CDK19: variants seen among roughly 807,000 people sequenced by gnomAD.
CDK19 encodes cyclin dependent kinase 19.
Under a neutral mutation model 68.3 loss-of-function variants are expected in CDK19, and 20 were observed. That is an observed-to-expected ratio of 0.29 (90% CI 0.21 to 0.43). The LOEUF (loss-of-function observed/expected upper bound fraction) is 0.43, where lower values mean the gene tolerates loss of function less well. Ranked by LOEUF, CDK19 falls within the 20% of genes least tolerant of loss-of-function variation. The pLI is 1.00. For missense variants in CDK19, 339 were observed against 623.5 expected (o/e 0.54, Z 4.86); for synonymous variants, 221 against 222.8 (o/e 0.99, Z 0.07).
chr6:110,693,968 A>G (rs565515551), intron 2 of CDK19, among the ~76,000 whole-genome samples: 1 of 152,284 alleles, frequency 6.6e-6, no homozygotes, highest in African/African-American at 2.4e-5. Context: ...CACTACAATA[A>G]ATGCTAATAG....
intron 1 of CDK19, among the ~76,000 whole-genome samples, chr6:110,763,938 ATTGTT>A (rs1362346040): frequency 2.0e-5 from 3 of 152,210 alleles, no homozygotes; most frequent in Non-Finnish European, 4.4e-5. Flanking sequence ...TAAAAAGTCA[ATTGTT>A]TTATTATATA....
At chr6:110,761,118 G>A (rs377114406) in intron 1 of CDK19, among the ~76,000 whole-genome samples, 3 of 152,184 alleles carry the variant, frequency 2.0e-5, no homozygotes, top group African/African-American at 4.8e-5. Flanking sequence ...TGGTGTTTTC[G>A]TTTGTTTTTT....
chr6:110,734,708 A>C (rs558374262), intron 2 of CDK19, among the ~76,000 whole-genome samples: 1 of 152,158 alleles, frequency 6.6e-6, no homozygotes, highest in African/African-American at 2.4e-5. Context: ...TATGAGCTGG[A>C]TGCTTCTCCA....
At chr6:110,794,157 T>C (rs1330751766) in intron 1 of CDK19, among the ~76,000 whole-genome samples, 1 of 151,950 alleles carries the variant, frequency 6.6e-6, no homozygotes, top group African/African-American at 2.4e-5. Context: ...GCAATTCTCC[T>C]GTCTCAGCCT....
rs575195963 is a variant in CDK19 at position 110,793,463 on chromosome 6, A to G, written c.128+21546T>C. Among the ~76,000 whole-genome samples, 49 of 152,358 alleles carry G rather than the reference A, an allele frequency of 3.2e-4. No individual in the cohort carries two copies. The Middle Eastern group carries it at 0.01, about 32-fold the overall frequency. Reference sequence around the variant, plus strand: ...AAGTCTTTATACTTACATGGACATGAAAGTCAACAAAATGTGTTTTGGTTG... The same window carrying G: ...AAGTCTTTATACTTACATGGACATGGAAGTCAACAAAATGTGTTTTGGTTG... On this transcript the variant is annotated intron_variant, in intron 1 of 12. Coordinates refer to ENST00000368911, the MANE Select transcript of CDK19 (RefSeq NM_015076.5).
At chr6:110,791,664 CTTT>C (rs1359279858) in intron 1 of CDK19, among the ~76,000 whole-genome samples, 1 of 151,790 alleles carries the variant, frequency 6.6e-6, no homozygotes, top group African/African-American at 2.4e-5. Flanking sequence ...CCTAATTTTT[CTTT>C]TTTTTATAGA....
intron 1 of CDK19, among the ~76,000 whole-genome samples, chr6:110,751,860 TAAA>T (rs79254464): frequency 7.8e-5 from 11 of 140,188 alleles, no homozygotes; most frequent in South Asian, 2.2e-4. Context: ...TTGGTCAGAT[TAAA>T]AAAAAAAAAA....
At chr6:110,716,915 C>T (rs932096421) in intron 2 of CDK19, among the ~76,000 whole-genome samples, 17 of 152,150 alleles carry the variant, frequency 1.1e-4, no homozygotes, top group African/African-American at 3.6e-4. Context: ...GGACGGATCA[C>T]GAGGTCAGGA....
chr6:110,791,123 A>G (rs546801524), intron 1 of CDK19, among the ~76,000 whole-genome samples: 2 of 152,110 alleles, frequency 1.3e-5, no homozygotes, highest in African/African-American at 4.8e-5. Flanking sequence ...GTGAGCCAAG[A>G]TCGCACCACT....
At chr6:110,735,341 C>T (rs1046209924) in intron 2 of CDK19, among the ~76,000 whole-genome samples, 1 of 151,982 alleles carries the variant, frequency 6.6e-6, no homozygotes, top group African/African-American at 2.4e-5. Flanking sequence ...AAACAAATAC[C>T]ACTCCCTTAT....
intron 2 of CDK19, among the ~76,000 whole-genome samples, chr6:110,736,318 G>T (rs1314863704): frequency 6.6e-6 from 1 of 152,110 alleles, no homozygotes; most frequent in African/African-American, 2.4e-5. Flanking sequence ...TCCAGCCTGG[G>T]CAACAAGAGC....
chr6:110,693,435 G>A (rs1003041478), intron 2 of CDK19, among the ~76,000 whole-genome samples: 2 of 152,212 alleles, frequency 1.3e-5, no homozygotes, highest in Non-Finnish European at 2.9e-5. Context: ...AGGCACTCCC[G>A]GTCTCCGGCA....
intron 1 of CDK19, among the ~76,000 whole-genome samples, chr6:110,758,584 T>C (rs903652314): frequency 6.6e-6 from 1 of 152,206 alleles, no homozygotes; most frequent in African/African-American, 2.4e-5. Flanking sequence ...AACTTGTTCA[T>C]TAGTCTTGGT....
chr6:110,650,640 C>T (rs1318900169), intron 4 of CDK19, among the ~76,000 whole-genome samples: 1 of 152,074 alleles, frequency 6.6e-6, no homozygotes, highest in Non-Finnish European at 1.5e-5. Flanking sequence ...TTTGGGATAA[C>T]ACCTGAGTCA....
chr6:110,685,793 A>G lies in CDK19; in HGVS notation c.205-15252T>C, dbSNP rs913184060. Among the ~76,000 whole-genome samples, 8 of 152,236 alleles carry G rather than the reference A, an allele frequency of 5.3e-5. No homozygotes were observed. In the East Asian group the frequency reaches 1.5e-3, roughly 29 times the overall value. Reference sequence around the variant, plus strand: ...TTTTCCTGTAAATAATTTATTTTGGAGGACCTGAGGCTCAAGCTAAAACTA... The same window carrying G: ...TTTTCCTGTAAATAATTTATTTTGGGGGACCTGAGGCTCAAGCTAAAACTA... On this transcript the variant is annotated intron_variant, in intron 2 of 12. Transcript: ENST00000368911.
At chr6:110,676,839 A>C (rs1233190386) in intron 2 of CDK19, among the ~76,000 whole-genome samples, 2 of 152,230 alleles carry the variant, frequency 1.3e-5, no homozygotes, top group Non-Finnish European at 2.9e-5. Flanking sequence ...GCTTTATTAC[A>C]ATATTTGCTT....
intron 1 of CDK19, among the ~76,000 whole-genome samples, chr6:110,811,817 G>T (rs1046519900): frequency 6.6e-5 from 10 of 150,870 alleles, no homozygotes; most frequent in Non-Finnish European, 1.0e-4. Context: ...AGACCAACCT[G>T]AACAACACAG....
intron 1 of CDK19, among the ~76,000 whole-genome samples, chr6:110,794,595 G>C (rs1232315001): frequency 6.6e-6 from 1 of 151,246 alleles, no homozygotes; most frequent in Non-Finnish European, 1.5e-5. Flanking sequence ...AGTAGAGACA[G>C]GGTTTCACCA....
chr6:110,717,765 G>C (rs897992106), intron 2 of CDK19, among the ~76,000 whole-genome samples: 1 of 152,080 alleles, frequency 6.6e-6, no homozygotes, highest in African/African-American at 2.4e-5. Context: ...GCAAGGGCAC[G>C]ATCTTGGCTC....
Sources: allele counts gnomAD v4.1 joint callset (sites outside exome capture counted in the v4.1 genomes callset), GRCh38; gene constraint gnomAD v4.1.1; transcripts MANE v1.5; gene names NCBI Gene and HGNC (gene_info 2026-07-23, HGNC 2026-07-21).